ARMC3: variants seen among roughly 807,000 people sequenced by gnomAD.
The protein encoded by ARMC3 is armadillo repeat containing 3.
A neutral mutation model predicts 90.3 loss-of-function variants in ARMC3; 74 were observed. The ratio of observed to expected loss-of-function variants is 0.82; its 90% CI spans 0.68 to 0.99. The LOEUF is 0.99. ARMC3 is among the 50% of genes least tolerant of loss of function. ARMC3 has a pLI of 0.00. For synonymous variants in ARMC3, 334 were observed against 361.8 expected, an observed-to-expected ratio of 0.92 and a Z score of 0.87; for missense variants, 958 against 1,042.8, an observed-to-expected ratio of 0.92 and a Z score of 1.12.
At chr10:22,964,560 TC>T (rs1334263071) in intron 7 of ARMC3, among the ~76,000 whole-genome samples, 6 of 151,748 alleles carry the variant, frequency 4.0e-5, no homozygotes, top group Admixed American at 3.9e-4. Flanking sequence ...CTACTCAGCC[TC>T]CCAACTAGCT....
intron 2 of ARMC3, among the ~76,000 whole-genome samples, chr10:22,940,840 A>G (rs1834299274): frequency 6.6e-6 from 1 of 152,206 alleles, no homozygotes; most frequent in African/African-American, 2.4e-5. Flanking sequence ...CAGAAATTTT[A>G]CTTCTGGGCA....
At chr10:23,008,780 T>C (rs768408515) in intron 15 of ARMC3, 35 bp from the exon 16 acceptor site, 1 of 1,534,350 alleles carries the variant, frequency 6.5e-7, no homozygotes, top group Non-Finnish European at 9.0e-7. Flanking sequence ...TTCCATATGA[T>C]TGAAATTGGT....
chr10:22,954,538 G>T (rs1834853107), intron 3 of ARMC3, among the ~76,000 whole-genome samples: 1 of 151,608 alleles, frequency 6.6e-6, no homozygotes, highest in South Asian at 2.1e-4. Context: ...TAGGCATGTT[G>T]GTGGTTGCCT....
At chr10:23,008,453 T>C (rs952617355) in intron 15 of ARMC3, 79 bp downstream of exon 15, 2 of 788,650 alleles carry the variant, frequency 2.5e-6, no homozygotes, top group Non-Finnish European at 4.1e-6. Flanking sequence ...AGATTTTAGA[T>C]TGGGGCAACT....
chr10:22,946,364 G>A (rs1240060223), intron 3 of ARMC3, 103 bp downstream of exon 3: 1 of 715,688 alleles, frequency 1.4e-6, no homozygotes, highest in African/African-American at 1.8e-5. Flanking sequence ...CTTGCTGTCG[G>A]ATGAATTATT....
intron 6 of ARMC3, chr10:22,959,856 A>G: frequency 2.0e-6 from 1 of 507,820 alleles, no homozygotes; most frequent in Non-Finnish European, 3.8e-6. Context: ...CTTCTTTTGA[A>G]ACAGGAAATC....
At chr10:23,037,237 C>T (rs750779091) in intron 18 of ARMC3, 33 bp from the exon 19 acceptor site, 1 of 1,519,458 alleles carries the variant, frequency 6.6e-7, no homozygotes, top group Non-Finnish European at 8.9e-7. Context: ...TCTCCCGCAC[C>T]ACCCTTGGTT....
chr10:22,928,607 T>C (rs986888257), intron 1 of ARMC3, among the ~76,000 whole-genome samples: 3 of 152,188 alleles, frequency 2.0e-5, no homozygotes, highest in Non-Finnish European at 4.4e-5. Flanking sequence ...CCCAGTTAAT[T>C]TACTGCTAGA....
At chr10:22,997,783 T>G (rs776144699) in intron 10 of ARMC3, among the ~76,000 whole-genome samples, 13 of 152,122 alleles carry the variant, frequency 8.5e-5, no homozygotes, top group Non-Finnish European at 1.9e-4. Flanking sequence ...CACACAAGAG[T>G]TTCTTTAAAT....
At chr10:22,981,299 G>C in intron 8 of ARMC3, 41 bp from the exon 9 acceptor site, 1 of 1,532,674 alleles carries the variant, frequency 6.5e-7, no homozygotes, top group Non-Finnish European at 8.8e-7. Context: ...CGCAGTTTTT[G>C]CATTAAAATT....
chr10:23,031,669 A>G (rs1441571453), intron 17 of ARMC3, among the ~76,000 whole-genome samples: 1 of 152,164 alleles, frequency 6.6e-6, no homozygotes, highest in African/African-American at 2.4e-5. Flanking sequence ...GTCTTGGCTT[A>G]TGTGAACATC....
chr10:22,946,509 T>C lies in ARMC3; in HGVS notation c.166+248T>C, dbSNP rs192937408. 5.0e-5 allele frequency: 14 copies of C among 280,084 alleles called. No homozygotes were observed. In the Admixed American group the frequency reaches 7.1e-4, roughly 14 times the overall value. 17.3% of individuals were successfully genotyped at this position (280,084 alleles called of 1,614,324 possible). A position where few individuals can be genotyped will look rare whatever the true frequency, so the allele number is the denominator to read the frequency against. ...GAAAGTTTCATTGTAGTTTTAGAAA[T>C]TGTAAATGTCACAGAAGCTAAAAGA... On this transcript the variant is annotated intron_variant, in intron 3 of 18. Coordinates refer to ENST00000298032, the MANE Select transcript of ARMC3 (RefSeq NM_173081.5).
intron 8 of ARMC3, among the ~76,000 whole-genome samples, chr10:22,979,769 C>T (rs1167655411): frequency 2.6e-5 from 4 of 152,000 alleles, no homozygotes; most frequent in African/African-American, 9.7e-5. Flanking sequence ...TTAACTGAAG[C>T]TTTTTTATGA....
intron 2 of ARMC3, among the ~76,000 whole-genome samples, chr10:22,943,936 A>C (rs900186913): frequency 2.0e-5 from 3 of 151,326 alleles, no homozygotes; most frequent in Non-Finnish European, 2.9e-5. Flanking sequence ...TCCATCTCAA[A>C]AAAAAAAAAA....
At chr10:22,971,444 T>G (rs1448982600) in intron 8 of ARMC3, among the ~76,000 whole-genome samples, 3 of 148,912 alleles carry the variant, frequency 2.0e-5, no homozygotes, top group South Asian at 2.1e-4. Flanking sequence ...ATTTTTAGTT[T>G]TTTTTTTTTT....
chr10:22,990,338 T>C (rs1262843762), intron 10 of ARMC3, among the ~76,000 whole-genome samples: 1 of 152,238 alleles, frequency 6.6e-6, no homozygotes, highest in African/African-American at 2.4e-5. Context: ...CTGAGGAAAC[T>C]GCCCCAGCTC....
At chr10:23,019,039 CA>C (rs1184247599) in intron 16 of ARMC3, among the ~76,000 whole-genome samples, 1 of 152,204 alleles carries the variant, frequency 6.6e-6, no homozygotes, top group African/African-American at 2.4e-5. Flanking sequence ...CTGGTTCTCC[CA>C]ATGTGGGCTC....
At chr10:22,932,186 G>A (rs1302693182) in intron 2 of ARMC3, 142 bp downstream of exon 2, 12 of 559,562 alleles carry the variant, frequency 2.1e-5, no homozygotes, top group Non-Finnish European at 3.6e-5. Context: ...AGATTAGTCA[G>A]AGAAATCTAA....
intron 18 of ARMC3, among the ~76,000 whole-genome samples, chr10:23,035,499 A>G (rs902131225): frequency 2.0e-5 from 3 of 152,026 alleles, no homozygotes; most frequent in African/African-American, 7.2e-5. Context: ...CACTGGTAAA[A>G]TATCTTATCC....
Sources: gnomAD v4.1 joint callset for allele counts (sites outside exome capture counted in the v4.1 genomes callset) on GRCh38, gnomAD v4.1.1 for gene constraint, MANE v1.5 for transcripts, NCBI Gene and HGNC (gene_info 2026-07-23, HGNC 2026-07-21) for gene names.